The following DYSF variants were observed in gnomAD, a reference collection of about 807,000 sequenced individuals.
DYSF encodes the protein dysferlin.
DYSF carries 212 observed loss-of-function variants against 274.9 expected under a neutral mutation model. That is an observed-to-expected ratio of 0.77 (90% CI 0.69 to 0.86). The LOEUF is 0.86. DYSF is among the 40% of genes least tolerant of loss of function. The probability of loss-of-function intolerance (pLI) is 0.00; values close to 1 mark genes in which losing one functional copy is unlikely to be tolerated. For missense variants in DYSF, 2,666 were observed against 2,783.2 expected, an observed-to-expected ratio of 0.96 and a Z score of 0.95; for synonymous variants, 1,091 against 1,078.7, an observed-to-expected ratio of 1.01 and a Z score of -0.22.
intron 12 of DYSF, among the ~76,000 whole-genome samples, chr2:71,522,912 C>T (rs2087456960): frequency 6.6e-6 from 1 of 152,180 alleles, no homozygotes; most frequent in Admixed American, 6.5e-5. Context: ...TGGAAAACCT[C>T]AGTGTACGCC....
intron 20 of DYSF, among the ~76,000 whole-genome samples, chr2:71,553,539 T>C (rs2091109872): frequency 6.6e-6 from 1 of 152,172 alleles, no homozygotes; most frequent in African/African-American, 2.4e-5. Context: ...GGAGCCCTAA[T>C]GAGAGCTGCA....
At chr2:71,657,596 CT>C (rs2094798064) in intron 43 of DYSF, among the ~76,000 whole-genome samples, 1 of 152,224 alleles carries the variant, frequency 6.6e-6, no homozygotes, top group African/African-American at 2.4e-5. Context: ...GTTTCCATAC[CT>C]CTTCTGAAAT....
intron 16 of DYSF, among the ~76,000 whole-genome samples, chr2:71,537,543 G>A (rs1022251104): frequency 6.6e-6 from 1 of 152,106 alleles, no homozygotes; most frequent in African/African-American, 2.4e-5. Flanking sequence ...ACCGCACCCT[G>A]CTTTTCAGTT....
chr2:71,570,628 G>C lies in DYSF; in HGVS notation c.3115G>C (p.Glu1039Gln), dbSNP rs1207540006. 6.2e-7 allele frequency: 1 copy of C among 1,614,054 alleles called. No homozygotes were observed. The highest frequency in any genetic ancestry group is 1.1e-5 in the South Asian group (1 of 91,076). ...GGAGTATAGCATCACCATCCCCCCG[G>C]AGCGGAAGCCGAAGCACTGGGTCCC... ...GWEYSITIPP[E>Q]RKPKHWVPAE... The change falls in exon 29 of 56, where the codon GAG becomes CAG. Residue 1039 changes from glutamate to glutamine, a missense_variant. This residue lies in a region of DYSF where 1,460 missense variants were observed against 1,502.1 expected (regional missense o/e 0.97). Transcript: ENST00000410020.
At position 71,568,288 on chromosome 2, in the gene DYSF, C is replaced by G. The variant is rs2152811408; in HGVS notation, c.2814C>G (p.Pro938=). 6 of 1,614,212 alleles carry G rather than the reference C, an allele frequency of 3.7e-6. No homozygotes were observed. Among genetic ancestry groups the G allele is most frequent in the Non-Finnish European group, 5.1e-6 (6 of 1,180,040 alleles). ...AGCTACCCAAGGACAGCTTCCGCCC[C>G]TCGGCCGGCTGGACCTGGGCTGGAG... is the stretch of plus-strand genomic sequence containing the variant. ...KIKLPKDSFR[P]SAGWTWAGDW... The change falls in exon 26 of 56, where the codon CCC becomes CCG. Residue 938 remains proline (P), a synonymous_variant. Transcript: ENST00000410020.
At chr2:71,558,693 C>T (rs1038003557) in intron 22 of DYSF, among the ~76,000 whole-genome samples, 4 of 152,132 alleles carry the variant, frequency 2.6e-5, no homozygotes, top group African/African-American at 4.8e-5. Flanking sequence ...ACAGTTCTGG[C>T]GCCTTTGAGT....
At chr2:71,499,235 A>C (rs1223060984) in intron 3 of DYSF, among the ~76,000 whole-genome samples, 8 of 152,206 alleles carry the variant, frequency 5.3e-5, no homozygotes, top group African/African-American at 9.6e-5. Context: ...CAAGTAGCTT[A>C]TTATACATGC....
chr2:71,641,345 A>T (rs1025190545), intron 41 of DYSF, among the ~76,000 whole-genome samples: 8 of 151,412 alleles, frequency 5.3e-5, no homozygotes, highest in African/African-American at 1.9e-4. Flanking sequence ...CGCCCGGCTA[A>T]TTTTTTTGTA....
In DYSF at chr2:71,485,931, G is replaced by A. The variant is rs368815240; in HGVS notation, c.239+3961G>A. ...TGGGTTCAAGTGATTCTCCCATCTCGGCCTCCCAAAATGCTGGGATTACAA... is the reference window on the plus strand; with the variant it reads ...TGGGTTCAAGTGATTCTCCCATCTCAGCCTCCCAAAATGCTGGGATTACAA... On this transcript the variant is annotated intron_variant, in intron 3 of 55. Transcript: ENST00000410020. 4.0e-4 allele frequency among the ~76,000 whole-genome samples: 61 copies of A among 152,086 alleles called. No individual in the cohort carries two copies. In the East Asian group the frequency reaches 5.2e-3, roughly 13 times the overall value.
intron 3 of DYSF, among the ~76,000 whole-genome samples, chr2:71,490,944 T>A (rs2083801796): frequency 6.6e-6 from 1 of 152,234 alleles, no homozygotes; most frequent in Non-Finnish European, 1.5e-5. Context: ...GTTCTTATGC[T>A]ATTTTTTTCT....
At chr2:71,555,492 G>T (rs1573959951) in intron 21 of DYSF, among the ~76,000 whole-genome samples, 1 of 152,150 alleles carries the variant, frequency 6.6e-6, no homozygotes, top group East Asian at 1.9e-4. Context: ...GGAGTTTGAG[G>T]AAGGAGCTGT....
At chr2:71,574,169 C>T (rs749080182) in intron 29 of DYSF, 29 bp from the exon 30 acceptor site, 1 of 1,610,946 alleles carries the variant, frequency 6.2e-7, no homozygotes. Context: ...TTCCCACCGG[C>T]CTCTGAGTCT....
At chr2:71,472,751 A>G (rs1294187067) in intron 1 of DYSF, among the ~76,000 whole-genome samples, 1 of 152,186 alleles carries the variant, frequency 6.6e-6, no homozygotes, top group African/African-American at 2.4e-5. Context: ...CTTCATTGTT[A>G]TCACCTATTC....
chr2:71,646,854 T>G (rs754937923), intron 42 of DYSF, among the ~76,000 whole-genome samples: 2 of 151,996 alleles, frequency 1.3e-5, no homozygotes, highest in Non-Finnish European at 2.9e-5. Context: ...ACAATACAAC[T>G]TAGAATGGCT....
At chr2:71,491,280 A>T (rs2083831755) in intron 3 of DYSF, among the ~76,000 whole-genome samples, 1 of 152,214 alleles carries the variant, frequency 6.6e-6, no homozygotes, top group Non-Finnish European at 1.5e-5. Context: ...TATTTGGAAT[A>T]TTATTAGGAA....
chr2:71,578,011 C>T (rs1403147092), intron 30 of DYSF, among the ~76,000 whole-genome samples: 1 of 152,194 alleles, frequency 6.6e-6, no homozygotes, highest in African/African-American at 2.4e-5. Flanking sequence ...CCATTAGCAA[C>T]TCTGTTACCT....
intron 47 of DYSF, among the ~76,000 whole-genome samples, chr2:71,665,792 G>A (rs150237411): frequency 6.6e-6 from 1 of 152,312 alleles, no homozygotes; most frequent in East Asian, 1.9e-4. Context: ...AGGCAGGCAG[G>A]CCTTGTAGTG....
At chr2:71,544,853 C>A (rs1406382478) in intron 17 of DYSF, among the ~76,000 whole-genome samples, 2 of 152,308 alleles carry the variant, frequency 1.3e-5, no homozygotes, top group East Asian at 3.9e-4. Flanking sequence ...TCACTTCATT[C>A]TTTTAGGAGA....
At chr2:71,506,188 A>G (rs1293956640) in intron 4 of DYSF, among the ~76,000 whole-genome samples, 1 of 152,090 alleles carries the variant, frequency 6.6e-6, no homozygotes, top group African/African-American at 2.4e-5. Flanking sequence ...TGGTCGAGGA[A>G]GTAGGTGGCG....
Sources: gnomAD v4.1 joint callset for allele counts (sites outside exome capture counted in the v4.1 genomes callset) on GRCh38, gnomAD v4.1.1 for gene constraint, gnomAD v4.1.1 regional missense constraint, MANE v1.5 for transcripts, NCBI Gene and HGNC (gene_info 2026-07-23, HGNC 2026-07-21) for gene names.